Variants in ZNF831 observed in about 807,000 individuals in gnomAD.
ZNF831 encodes chromosome 20 open reading frame 174.
ZNF831 carries 59 observed loss-of-function variants against 95.8 expected under a neutral mutation model. The observed-to-expected ratio is 0.62, with a 90% CI of 0.50 to 0.77. ZNF831 has a LOEUF of 0.77. Among genes scored for constraint, ZNF831 ranks in the 30% least tolerant of loss-of-function variants. ZNF831 has a pLI of 0.00. For synonymous variants in ZNF831, 961 were observed against 925.5 expected (o/e 1.04, Z -0.70); for missense variants, 2,205 against 2,164.0 (o/e 1.02, Z -0.38).
intron 1 of ZNF831, among the ~76,000 whole-genome samples, chr20:59,190,140 G>A (rs1983390007): frequency 6.6e-6 from 1 of 152,216 alleles, no homozygotes; most frequent in African/African-American, 2.4e-5. Context: ...GGCTTTGGAA[G>A]CCCCACCTTT....
At chr20:59,196,880 C>T (rs932664674) in intron 3 of ZNF831, among the ~76,000 whole-genome samples, 14 of 151,798 alleles carry the variant, frequency 9.2e-5, no homozygotes, top group Non-Finnish European at 1.3e-4. Context: ...GGGGTTCAAG[C>T]GATTTGCCTG....
At chr20:59,210,754 C>T (rs1212631108) in intron 4 of ZNF831, among the ~76,000 whole-genome samples, 1 of 152,224 alleles carries the variant, frequency 6.6e-6, no homozygotes, top group Non-Finnish European at 1.5e-5. Flanking sequence ...AATCCCACTT[C>T]CATAAACATC....
intron 1 of ZNF831, among the ~76,000 whole-genome samples, chr20:59,189,365 T>C (rs1474695532): frequency 6.6e-6 from 1 of 152,212 alleles, no homozygotes; most frequent in African/African-American, 2.4e-5. Flanking sequence ...TGTAAGTTTA[T>C]GTAACGTATC....
intron 1 of ZNF831, 68 bp from the exon 2 acceptor site, chr20:59,190,916 G>T (rs1019663520): frequency 3.6e-6 from 5 of 1,377,402 alleles, no homozygotes; most frequent in Admixed American, 5.6e-5. Flanking sequence ...TTGGTGCAGG[G>T]TAGGCAAGAT....
chr20:59,163,018 TGTGTG>T (rs1568732567), upstream of ZNF831, among the ~76,000 whole-genome samples: 2 of 136,100 alleles, frequency 1.5e-5, no homozygotes, highest in Admixed American at 7.1e-5. Flanking sequence ...TTCCTAGGTG[TGTGTG>T]TGTGTGTGTG....
At chr20:59,196,081 T>C (rs1984084532) in intron 3 of ZNF831, 76 bp downstream of exon 3, 1 of 1,555,938 alleles carries the variant, frequency 6.4e-7, no homozygotes, top group African/African-American at 1.4e-5. Flanking sequence ...AAGGTATCCG[T>C]GTGCTCCAGA....
chr20:59,192,676 G>A lies in ZNF831; in HGVS notation c.1657G>A (p.Val553Ile), dbSNP rs1280737182. ...CCGCTCGGGACTAAGCTCGACTGAC[G>A]TTCCCAGTGGGCATCCCCGGGCCCT... ...GCRSGLSSTDVPSGHPRALVR... is the reference protein window; with the variant it reads ...GCRSGLSSTDIPSGHPRALVR... Residue 553 changes from valine to isoleucine, a missense_variant, in exon 2 of 6, where the codon GTT (valine) becomes ATT (isoleucine). By Grantham distance (29) the Val-to-Ile change is conservative. Transcript: ENST00000371030. This position sits in a 1 kb window ranked among gnomAD's most constrained non-coding sequence, Gnocchi z 5.2. The A allele has an allele frequency of 1.9e-6, 3 of 1,554,856 alleles. No individual in the cohort carries two copies. Among genetic ancestry groups the A allele is most frequent in the Non-Finnish European group, 2.6e-6 (3 of 1,152,300 alleles).
intron 2 of ZNF831, among the ~76,000 whole-genome samples, chr20:59,154,853 C>T (rs145840369): frequency 3.5e-4 from 54 of 152,320 alleles, no homozygotes; most frequent in African/African-American, 1.2e-3. Context: ...TCTTCATAGA[C>T]GGCCTCCTAC....
chr20:59,162,386 A>G (rs1479075257), upstream of ZNF831, among the ~76,000 whole-genome samples: 2 of 152,180 alleles, frequency 1.3e-5, no homozygotes, highest in African/African-American at 4.8e-5. Context: ...TATAGTTTGA[A>G]GTCTTACATT....
At chr20:59,178,379 G>A (rs1982336653) in intron 1 of ZNF831, among the ~76,000 whole-genome samples, 1 of 152,366 alleles carries the variant, frequency 6.6e-6, no homozygotes, top group African/African-American at 2.4e-5. Context: ...CCTCTTCAGA[G>A]GAGTTTCACA....
At chr20:59,135,813 G>A (rs938059931) in intron 1 of ZNF831, among the ~76,000 whole-genome samples, 1 of 152,194 alleles carries the variant, frequency 6.6e-6, no homozygotes, top group Non-Finnish European at 1.5e-5. Flanking sequence ...AGTAATTGCG[G>A]TTTTTGCCAT....
At chr20:59,196,506 G>A (rs1166737262) in intron 3 of ZNF831, among the ~76,000 whole-genome samples, 1 of 152,124 alleles carries the variant, frequency 6.6e-6, no homozygotes, top group Non-Finnish European at 1.5e-5. Flanking sequence ...AGGCCCTGTG[G>A]ATTTTCCTGC....
intron 4 of ZNF831, among the ~76,000 whole-genome samples, chr20:59,228,934 G>A (rs1376541145): frequency 2.0e-5 from 3 of 151,534 alleles, no homozygotes; most frequent in East Asian, 3.9e-4. Context: ...TTTTTTGTAC[G>A]CCTTCACAAG....
intron 3 of ZNF831, among the ~76,000 whole-genome samples, chr20:59,204,882 C>T (rs1250038279): frequency 2.0e-5 from 3 of 152,102 alleles, no homozygotes; most frequent in East Asian, 1.9e-4. Flanking sequence ...GCACACAGAA[C>T]GTTTTGGGAG....
chr20:59,231,499 G>A (rs1165618791), intron 4 of ZNF831, among the ~76,000 whole-genome samples: 1 of 152,092 alleles, frequency 6.6e-6, no homozygotes, highest in Non-Finnish European at 1.5e-5. Flanking sequence ...TCCCCAGCAC[G>A]GTGTAAAAAG....
At chr20:59,137,918 G>GC (rs1979562237) in intron 1 of ZNF831, among the ~76,000 whole-genome samples, 1 of 152,098 alleles carries the variant, frequency 6.6e-6, no homozygotes, top group Non-Finnish European at 1.5e-5. Context: ...CTATCCCAGA[G>GC]AAAATTGCTA....
intron 4 of ZNF831, among the ~76,000 whole-genome samples, chr20:59,239,993 C>A (rs549635427): frequency 1.8e-4 from 27 of 152,286 alleles, no homozygotes; most frequent in Middle Eastern, 3.4e-3. Flanking sequence ...CCAGCCCCCA[C>A]CCCTGCCTAA....
chr20:59,218,770 G>C (rs1020631656), intron 4 of ZNF831, among the ~76,000 whole-genome samples: 5 of 152,014 alleles, frequency 3.3e-5, no homozygotes, highest in Admixed American at 2.0e-4. Context: ...CAGCCATTAA[G>C]AGGAGGCCAA....
rs757336984 is a variant in ZNF831, at chr20:59,254,436, C to T, written c.4727C>T (p.Ser1576Leu). The change falls in exon 6 of 6, where the codon TCA becomes TTA. Residue 1576 changes from serine (S) to leucine (L), a missense_variant. Ser to Leu is a moderately radical substitution (Grantham distance 145, BLOSUM62 -2). Transcript: ENST00000371030. The surrounding 1 kb of genome is among the most constrained non-coding windows in gnomAD (Gnocchi z 4.5). ...HLEIPASGPS[S>L]ASSHHKEGRH... Reference sequence around the variant, plus strand: ...GAAATACCAGCTTCAGGACCAAGTTCAGCTAGTTCACACCACAAGGAAGGG... The same window carrying T: ...GAAATACCAGCTTCAGGACCAAGTTTAGCTAGTTCACACCACAAGGAAGGG... 6.2e-7 allele frequency: 1 copy of T among 1,614,180 alleles called. No individual in the cohort carries two copies. The highest frequency in any genetic ancestry group is 1.7e-5 in the Admixed American group (1 of 60,016).
Sources: allele counts gnomAD v4.1 joint callset (sites outside exome capture counted in the v4.1 genomes callset), GRCh38; gene constraint gnomAD v4.1.1; non-coding constraint Gnocchi (gnomAD v3.1); transcripts MANE v1.5; gene names NCBI Gene and HGNC (gene_info 2026-07-23, HGNC 2026-07-21).